Variants in DNM3 observed in about 807,000 individuals in gnomAD.
DNM3 encodes dynamin-3.
Under a neutral mutation model 101.6 loss-of-function variants are expected in DNM3, and 47 were observed. The ratio of observed to expected loss-of-function variants is 0.46; its 90% CI spans 0.37 to 0.59. The LOEUF (loss-of-function observed/expected upper bound fraction) is 0.59. Among genes scored for constraint, DNM3 ranks in the 20% least tolerant of loss-of-function variants. DNM3 has a pLI of 0.00. For synonymous variants in DNM3, 385 were observed against 387.9 expected, an observed-to-expected ratio of 0.99 and a Z score of 0.09; for missense variants, 849 against 1,085.7, an observed-to-expected ratio of 0.78 and a Z score of 3.06.
At chr1:171,974,556 G>C (rs191235581) in intron 2 of DNM3, among the ~76,000 whole-genome samples, 4 of 152,244 alleles carry the variant, frequency 2.6e-5, no homozygotes, top group African/African-American at 9.6e-5. Flanking sequence ...TTGAGTTAAA[G>C]AAAACCATAA....
intron 14 of DNM3, among the ~76,000 whole-genome samples, chr1:172,228,079 C>T (rs1015220041): frequency 2.0e-5 from 3 of 151,856 alleles, no homozygotes; most frequent in African/African-American, 7.3e-5. Context: ...AACTTTTATT[C>T]ATATATATTG....
chr1:172,315,463 C>T (rs1008152541), intron 16 of DNM3, among the ~76,000 whole-genome samples: 35 of 152,226 alleles, frequency 2.3e-4, no homozygotes, highest in Admixed American at 1.5e-3. Flanking sequence ...AAATTCAAAC[C>T]AAAGGCAAAG....
downstream of DNM3, among the ~76,000 whole-genome samples, chr1:172,413,975 A>T (rs1411314445): frequency 6.6e-6 from 1 of 152,220 alleles, no homozygotes; most frequent in Non-Finnish European, 1.5e-5. Context: ...TGTTAATCAT[A>T]TATTCAGAAT....
At chr1:172,146,099 C>A (rs2057881368) in intron 14 of DNM3, among the ~76,000 whole-genome samples, 1 of 152,098 alleles carries the variant, frequency 6.6e-6, no homozygotes, top group African/African-American at 2.4e-5. Context: ...TTAATTTGAC[C>A]AACCAGACTA....
At chr1:171,987,894 T>A in intron 3 of DNM3, 89 bp downstream of exon 3, 1 of 1,288,540 alleles carries the variant, frequency 7.8e-7, no homozygotes, top group Non-Finnish European at 1.0e-6. Context: ...AAGATACAAA[T>A]AGTGCTGGGT....
At chr1:172,297,830 T>G (rs1038571821) in intron 15 of DNM3, among the ~76,000 whole-genome samples, 1 of 152,144 alleles carries the variant, frequency 6.6e-6, no homozygotes, top group South Asian at 2.1e-4. Context: ...GTACTTTTGA[T>G]GTACATATTT....
intron 20 of DNM3, among the ~76,000 whole-genome samples, chr1:172,391,823 T>G (rs531690627): frequency 1.3e-5 from 2 of 152,316 alleles, no homozygotes; most frequent in African/African-American, 4.8e-5. Context: ...GCCAGCTCCC[T>G]GTTGGGCTTT....
chr1:172,254,361 T>G (rs1012206161), intron 15 of DNM3, among the ~76,000 whole-genome samples: 1 of 152,184 alleles, frequency 6.6e-6, no homozygotes, highest in Non-Finnish European at 1.5e-5. Flanking sequence ...TAAGCTCTTC[T>G]TGAAGAGCGG....
At chr1:172,159,204 GA>G (rs1416451077) in intron 14 of DNM3, among the ~76,000 whole-genome samples, 1 of 151,936 alleles carries the variant, frequency 6.6e-6, no homozygotes. Context: ...TATGGTTGGA[GA>G]AAAAAGCCGT....
At chr1:171,980,569 C>T (rs1399413844) in intron 2 of DNM3, among the ~76,000 whole-genome samples, 1 of 152,048 alleles carries the variant, frequency 6.6e-6, no homozygotes, top group Non-Finnish European at 1.5e-5. Flanking sequence ...TCTAGCTGTA[C>T]TTTTGTATCT....
intron 14 of DNM3, among the ~76,000 whole-genome samples, chr1:172,142,736 T>TAA (rs201730089): frequency 5.2e-5 from 6 of 114,788 alleles, no homozygotes; most frequent in African/African-American, 1.8e-4. Context: ...ATTTCTAGAG[T>TAA]AAAAAAAAAA....
At chr1:171,970,153 T>A (rs1021457155) in intron 2 of DNM3, 2 of 545,732 alleles carry the variant, frequency 3.7e-6, no homozygotes, top group Non-Finnish European at 4.7e-6. Context: ...ATTTTATCGA[T>A]GGAATACTTT....
chr1:172,201,136 G>A (rs2060138094), intron 14 of DNM3, among the ~76,000 whole-genome samples: 1 of 152,150 alleles, frequency 6.6e-6, no homozygotes, highest in African/African-American at 2.4e-5. Flanking sequence ...TGATATGTTA[G>A]TGAGGTATTT....
intron 17 of DNM3, among the ~76,000 whole-genome samples, chr1:172,354,108 T>TGAGAGAGAGAGA (rs1181407960): frequency 4.1e-3 from 125 of 30,788 alleles, no homozygotes; most frequent in Non-Finnish European, 7.5e-3. Flanking sequence ...TGTGTGTGTG[T>TGAGAGAGAGAGA]GTGTGAGAGA....
chr1:172,059,363 G>C (rs1558502260), intron 10 of DNM3, among the ~76,000 whole-genome samples: 1 of 126,386 alleles, frequency 7.9e-6, no homozygotes, highest in Non-Finnish European at 1.6e-5. Flanking sequence ...GCATCATTCT[G>C]ATACCAAAGC....
chr1:171,877,543 T>C (rs2035892753), intron 1 of DNM3, among the ~76,000 whole-genome samples: 1 of 152,224 alleles, frequency 6.6e-6, no homozygotes, highest in African/African-American at 2.4e-5. Context: ...TCTATTTCCA[T>C]CCTCAATGGA....
chr1:171,901,117 AAAAAAAAAAAAAAAG>A lies in DNM3; in HGVS notation c.162-20627_162-20613del, dbSNP rs1196237483. 3.3e-4 allele frequency among the ~76,000 whole-genome samples: 49 copies of A among 147,906 alleles called. 3 individuals carry two copies. The highest frequency in any genetic ancestry group is 1.1e-3 in the African/African-American group (44 of 40,316). On this transcript the variant is annotated intron_variant, in intron 1 of 20. Transcript: ENST00000627582. ...GACAGAGCGAGACTCTGTCTCAAAA[AAAAAAAAAAAAAAAG>A]AAAGAAATCTATGAAGTTCAGCACC...
intron 9 of DNM3, among the ~76,000 whole-genome samples, chr1:172,048,203 T>C (rs1004158917): frequency 5.3e-5 from 8 of 152,186 alleles, no homozygotes; most frequent in Non-Finnish European, 8.8e-5. Context: ...CCCCAGGCCC[T>C]CAGATTGGGA....
chr1:171,989,595 A>T (rs2045502298), intron 4 of DNM3, among the ~76,000 whole-genome samples: 1 of 152,124 alleles, frequency 6.6e-6, no homozygotes, highest in Non-Finnish European at 1.5e-5. Context: ...TGCATGTAAG[A>T]TATTATTTAG....
Sources: allele counts gnomAD v4.1 joint callset (sites outside exome capture counted in the v4.1 genomes callset), GRCh38; gene constraint gnomAD v4.1.1; transcripts MANE v1.5; gene names NCBI Gene and HGNC (gene_info 2026-07-23, HGNC 2026-07-21).